Variants in PGGHG observed in about 807,000 individuals in gnomAD.
PGGHG encodes the protein ATH1, acid trehalase-like 1.
PGGHG carries 67 observed loss-of-function variants against 74.5 expected under a neutral mutation model. That is an observed-to-expected ratio of 0.90 (90% confidence interval 0.74 to 1.10). The LOEUF (loss-of-function observed/expected upper bound fraction) is 1.10, where lower values mean the gene tolerates loss of function less well. Among genes scored for constraint, PGGHG ranks in the 50% least tolerant of loss-of-function variants. The pLI, the probability that PGGHG is intolerant of heterozygous loss-of-function variation, is 0.00. For missense variants in PGGHG, 1,034 were observed against 981.5 expected, an observed-to-expected ratio of 1.05 and a Z score of -0.72; for synonymous variants, 496 against 419.9, an observed-to-expected ratio of 1.18 and a Z score of -2.21.
rs1845755794 is a variant in PGGHG at position 292,546 on chromosome 11, G to A, written c.1027G>A (p.Gly343Arg). The change falls in exon 6 of 14, where the codon GGA becomes AGA. Residue 343 changes from glycine (G) to arginine (R), a missense_variant and splice_region_variant. Coordinates refer to ENST00000409548, the MANE Select transcript of PGGHG (RefSeq NM_025092.5). ...LENAQNLGYQ[G>R]AKFAWESADS... The stretch of plus-strand genomic sequence containing the variant: ...AGTCTGCCCCCTCCCAACCCCTCAG[G>A]GAGCCAAGTTTGCCTGGGAGAGTGC... 6.2e-7 allele frequency: 1 copy of A among 1,613,166 alleles called. No individual in the cohort carries two copies. Among genetic ancestry groups the A allele is most frequent in the Non-Finnish European group, 8.5e-7 (1 of 1,179,814 alleles).
At position 290,161 on chromosome 11, in the gene PGGHG, C is replaced by T. The variant is rs1761411256; in HGVS notation, c.259+86C>T. On this transcript the variant is annotated intron_variant, in intron 2 of 13. Transcript: ENST00000409548. ...CCACAGCATCGAATCCCACCAGCAC[C>T]TCCTGAGTTTACACAGGAAGTCTCA... The T allele has an allele frequency of 3.7e-5, 54 of 1,442,282 alleles. No homozygotes were observed. In the South Asian group the frequency reaches 7.6e-4, roughly 20 times the overall value. 89.3% of individuals were successfully genotyped at this position (1,442,282 alleles called of 1,614,324 possible).
At position 292,008 on chromosome 11, in the gene PGGHG, C is replaced by T; in HGVS notation, c.939C>T (p.Phe313=). The part of the protein sequence containing the change: ...DLWMFPSILM[F]HPEAARAILE... ...GGATGTTCCCGAGTATCCTGATGTT[C>T]CACCCAGAAGCCGCCAGGGCCATCC... The change falls in exon 5 of 14, where the codon TTC becomes TTT. Residue 313 remains phenylalanine (F), a synonymous_variant. Coordinates refer to ENST00000409548, the MANE Select transcript of PGGHG (RefSeq NM_025092.5). 3 of 1,610,414 alleles carry T rather than the reference C, an allele frequency of 1.9e-6. No individual in the cohort carries two copies. The highest frequency in any genetic ancestry group is 2.5e-6 in the Non-Finnish European group (3 of 1,178,776).
Position 294,873 on chromosome 11 carries a change from C to T in PGGHG, c.*124C>T, listed in dbSNP as rs1845832859. 1 of 1,212,534 alleles carries T rather than the reference C, an allele frequency of 8.2e-7. No homozygotes were observed. The highest frequency in any genetic ancestry group is 2.4e-5 in the Admixed American group (1 of 41,744). The allele number at this position is 1,212,534 out of a possible 1,614,324, so 75.1% of individuals were successfully genotyped here. ...TGCAGCCAGGCTCTCAGGGAAGGTC[C>T]ATGCTGCTTGGCCTGAGTTCAAGGC... On this transcript the variant is annotated 3_prime_UTR_variant, in exon 14 of 14. Coordinates refer to ENST00000409548, the MANE Select transcript of PGGHG (RefSeq NM_025092.5).
rs772153637 is a variant in PGGHG at position 290,452 on chromosome 11, C to A, written c.322C>A (p.Arg108Ser). ...GGCCTCCCAGTGCATCTATGCGCATCGCACGCTGCCCCACGTGCTGGCTTT... is the reference window on the plus strand; with the variant it reads ...GGCCTCCCAGTGCATCTATGCGCATAGCACGCTGCCCCACGTGCTGGCTTT... ...FRASQCIYAH[R>S]TLPHVLAFRV... Residue 108 changes from arginine to serine, a missense_variant, in exon 3 of 14, where the codon CGC becomes AGC. Coordinates refer to ENST00000409548, the MANE Select transcript of PGGHG (RefSeq NM_025092.5). 1 of 1,549,510 alleles carries A rather than the reference C, an allele frequency of 6.5e-7. No homozygotes were observed.
In PGGHG at chr11:292,954, T is replaced by G; in HGVS notation, c.1227T>G (p.Ser409Arg). 6.2e-7 allele frequency: 1 copy of G among 1,613,890 alleles called. No individual in the cohort carries two copies. The highest frequency in any genetic ancestry group is 1.6e-4 in the Middle Eastern group (1 of 6,062). Residue 409 changes from serine (S) to arginine (R), a missense_variant, in exon 7 of 14, where the codon AGT (serine) becomes AGG (arginine). Physicochemically the swap from Ser to Arg is moderately radical, Grantham distance 110 (BLOSUM62 -1). Transcript: ENST00000409548. Reference protein sequence around the residue: ...VVRAVAEFWCSRVEWSPREEK... With the variant: ...VVRAVAEFWCRRVEWSPREEK... ...GGGCTGTGGCCGAGTTTTGGTGCAG[T>G]CGTGTTGAGTGGAGCCCCAGGGAGG...
In PGGHG at chr11:289,956, A is replaced by G. The variant is rs1564838713; in HGVS notation, c.140A>G (p.Asn47Ser). The change falls in exon 2 of 14, where the codon AAT (asparagine) becomes AGT (serine). Residue 47 changes from asparagine (N) to serine (S), a missense_variant. By Grantham distance (46) the Asn-to-Ser change is conservative. Transcript: ENST00000409548. The surrounding 1 kb of genome is among the most constrained non-coding windows in gnomAD (Gnocchi z 5.6). ...HDTLHVSGVYNGAGGDTHRAM... is the reference protein window; with the variant it reads ...HDTLHVSGVYSGAGGDTHRAM... ...ACGCTGCACGTGAGCGGCGTGTACA[A>G]TGGGGCTGGCGGGGACACGCACCGG... The G allele has an allele frequency of 5.2e-6, 8 of 1,550,444 alleles. No homozygotes were observed. Among genetic ancestry groups the G allele is most frequent in the East Asian group, 2.4e-5 (1 of 40,894 alleles).
At chr11:293,981 A>C in intron 11 of PGGHG, 56 bp downstream of exon 11, 2 of 1,595,364 alleles carry the variant, frequency 1.3e-6, no homozygotes, top group East Asian at 4.5e-5. Context: ...AGTGGAGCCC[A>C]GCCTCAGAGC....
In PGGHG at chr11:289,893, T is replaced by C; in HGVS notation, c.77T>C (p.Val26Ala). Residue 26 changes from valine to alanine, a missense_variant, in exon 2 of 14, where the codon GTG becomes GCG. Transcript: ENST00000409548. This position sits in a 1 kb window ranked among gnomAD's most constrained non-coding sequence, Gnocchi z 5.6. Reference sequence around the variant, plus strand: ...AGTGACCCCCGTCTCTTGGCCACTGTGACCAACGCATACCTGGGCACACGA... The same window carrying C: ...AGTGACCCCCGTCTCTTGGCCACTGCGACCAACGCATACCTGGGCACACGA... ...LPSDPRLLAT[V>A]TNAYLGTRVF... The C allele has an allele frequency of 1.9e-6, 3 of 1,551,090 alleles. No individual in the cohort carries two copies. In the Middle Eastern group the frequency reaches 5.0e-4, roughly 259 times the overall value.
In PGGHG at chr11:294,272, C is replaced by T. The variant is rs745950839; in HGVS notation, c.1814C>T (p.Thr605Ile). 4 of 1,603,996 alleles carry T rather than the reference C, an allele frequency of 2.5e-6. No homozygotes were observed. In the Admixed American group the frequency reaches 5.0e-5, roughly 20 times the overall value. ...ACAAGCCTCTCCTCCCACAGGGTCA[C>T]CCGAGCGGGTGTGACCTTTGACCCT... is the stretch of plus-strand genomic sequence containing the variant. The part of the protein sequence containing the change: ...VVFGCTGFRV[T>I]RAGVTFDPVC... The change falls in exon 13 of 14, where the codon ACC becomes ATC. Residue 605 changes from threonine to isoleucine, a missense_variant. Physicochemically the swap from Thr to Ile is moderately conservative, Grantham distance 89. Transcript: ENST00000409548.
At chr11:290,283 A>C (rs1478862957) in intron 2 of PGGHG, 107 bp from the exon 3 acceptor site, 1 of 1,384,906 alleles carries the variant, frequency 7.2e-7, no homozygotes, top group East Asian at 2.5e-5. Flanking sequence ...CCGAGGGCCC[A>C]GAGGGATCCG....
At position 295,655 on chromosome 11, in the gene PGGHG, A is replaced by T. The variant is rs1197201025; in HGVS notation, c.*906A>T. 6.6e-6 allele frequency: 1 copy of T among 152,354 alleles called. No homozygotes were observed. Among genetic ancestry groups the T allele is most frequent in the African/African-American group, 2.4e-5 (1 of 41,476 alleles). The allele number at this position is 152,354 out of a possible 1,614,324, so 9.4% of individuals were successfully genotyped here. Reference sequence around the variant, plus strand: ...CACCGCTGTCAGCCTGAGGAATTAAAGCTTTGGTGCTGGGGAGAGCATTAT... The same window carrying T: ...CACCGCTGTCAGCCTGAGGAATTAATGCTTTGGTGCTGGGGAGAGCATTAT... On this transcript the variant is annotated 3_prime_UTR_variant, in exon 14 of 14. Coordinates refer to ENST00000409548, the MANE Select transcript of PGGHG (RefSeq NM_025092.5).
Position 291,958 on chromosome 11 carries a change from G to A in PGGHG, c.907-18G>A, listed in dbSNP as rs1240540511. The stretch of plus-strand genomic sequence containing the variant: ...GTGACGGCCTGTCCGGCGCTAGAAC[G>A]AGGGACCGTGCTCTCAGGACCTCTG... On this transcript the variant is annotated intron_variant, in intron 4 of 13. Transcript: ENST00000409548. The A allele has an allele frequency of 5.0e-6, 8 of 1,596,806 alleles. No homozygotes were observed. The highest frequency in any genetic ancestry group is 2.3e-5 in the South Asian group (2 of 88,564).
rs1845770126 is a variant in PGGHG at position 292,964 on chromosome 11, T to C, written c.1237T>C (p.Trp413Arg). 6 of 1,613,626 alleles carry C rather than the reference T, an allele frequency of 3.7e-6. No homozygotes were observed. Among genetic ancestry groups the C allele is most frequent in the Non-Finnish European group, 4.2e-6 (5 of 1,179,894 alleles). ...CGAGTTTTGGTGCAGTCGTGTTGAG[T>C]GGAGCCCCAGGGAGGAAAAGTACCA... ...VAEFWCSRVEWSPREEKYHLR... is the reference protein window; with the variant it reads ...VAEFWCSRVERSPREEKYHLR... Residue 413 changes from tryptophan (W) to arginine (R), a missense_variant, in exon 7 of 14, where the codon TGG becomes CGG. Trp to Arg is a moderately radical substitution (Grantham distance 101). Transcript: ENST00000409548.
At position 289,752 on chromosome 11, in the gene PGGHG, G is replaced by A. The variant is rs888855301; in HGVS notation, c.-13-52G>A. 4 of 1,501,952 alleles carry A rather than the reference G, an allele frequency of 2.7e-6. No homozygotes were observed. The highest frequency in any genetic ancestry group is 2.6e-5 in the South Asian group (2 of 77,006). 93.0% of individuals were successfully genotyped at this position (1,501,952 alleles called of 1,614,324 possible). ...TTCAGGGGATTACAGACGGTCTCAA[G>A]AGGGAGGCCCAGCCAGTCCCGCGGC... On this transcript the variant is annotated intron_variant, in intron 1 of 13. Transcript: ENST00000409548. The surrounding 1 kb of genome is among the most constrained non-coding windows in gnomAD (Gnocchi z 5.6).
At position 292,802 on chromosome 11, in the gene PGGHG, C is replaced by T. The variant is rs1043428459; in HGVS notation, c.1159-84C>T. Reference sequence around the variant, plus strand: ...TGGCTGAGGACAGGTGTCTCAATGCCAGGCCTTGCTTCTGGGCACAGACAG... The same window carrying T: ...TGGCTGAGGACAGGTGTCTCAATGCTAGGCCTTGCTTCTGGGCACAGACAG... On this transcript the variant is annotated intron_variant, in intron 6 of 13. Transcript: ENST00000409548. 27 of 1,608,412 alleles carry T rather than the reference C, an allele frequency of 1.7e-5. 1 individual carries two copies. In the South Asian group the frequency reaches 2.1e-4, roughly 12 times the overall value.
Position 294,368 on chromosome 11 carries a change from CT to C in PGGHG, c.1915del (p.Ser639ProfsTer5). 1 of 1,613,162 alleles carries C rather than the reference CT, an allele frequency of 6.2e-7. No individual in the cohort carries two copies. Among genetic ancestry groups the C allele is most frequent in the Non-Finnish European group, 8.5e-7 (1 of 1,179,994 alleles). On this transcript the variant is annotated frameshift_variant, in exon 13 of 14. Transcript: ENST00000409548. LOFTEE classifies it high-confidence loss of function. ...TACCAGGGGAACAAGCTCAACTTCTCTTTTTCCGAGGACTCCGTGACCGTGG... is the reference window on the plus strand; with the variant it reads ...TACCAGGGGAACAAGCTCAACTTCTCTTTTCCGAGGACTCCGTGACCGTGG... ...IFYQGNKLNF[S>X]FSEDSVTVEV...
rs1845700679 is a variant in PGGHG, at chr11:290,946, G to T, written c.739G>T (p.Val247Leu). Residue 247 changes from valine to leucine, a missense_variant, in exon 4 of 14, where the codon GTG (valine) becomes TTG (leucine). Val to Leu is a conservative substitution (Grantham distance 32). Transcript: ENST00000409548. ...QLWVECGLDV[V>L]GPLQLRQALR... ...CTGGGTAGAATGTGGCTTGGACGTG[G>T]TGGGGCCCCTGCAGCTGCGCCAGGC... is the stretch of plus-strand genomic sequence containing the variant. 3 of 1,612,232 alleles carry T rather than the reference G, an allele frequency of 1.9e-6. No individual in the cohort carries two copies. Among genetic ancestry groups the T allele is most frequent in the Admixed American group, 1.7e-5 (1 of 59,950 alleles).
Position 292,882 on chromosome 11 carries a change from C to G in PGGHG, c.1159-4C>G. ...TGGCCTCTGTGCCTCCTCCTGCTCCCCAGGACCTGCAGCTATTTCGAGAGG... is the reference window on the plus strand; with the variant it reads ...TGGCCTCTGTGCCTCCTCCTGCTCCGCAGGACCTGCAGCTATTTCGAGAGG... On this transcript the variant is annotated splice_region_variant and splice_polypyrimidine_tract_variant and intron_variant, in intron 6 of 13. Coordinates refer to ENST00000409548, the MANE Select transcript of PGGHG (RefSeq NM_025092.5). 6.2e-7 allele frequency: 1 copy of G among 1,614,010 alleles called. No homozygotes were observed. Among genetic ancestry groups the G allele is most frequent in the Middle Eastern group, 1.7e-4 (1 of 6,014 alleles).
rs1845689294 is a variant in PGGHG at position 290,612 on chromosome 11, G to A, written c.470+12G>A. On this transcript the variant is annotated intron_variant, in intron 3 of 13. Transcript: ENST00000409548. ...TTCCAGGGAGCCCGGTAAGGAGGGGGCTGGATTTGCAGCCAGGGAGTCCAG... is the reference window on the plus strand; with the variant it reads ...TTCCAGGGAGCCCGGTAAGGAGGGGACTGGATTTGCAGCCAGGGAGTCCAG... 2.5e-6 allele frequency: 4 copies of A among 1,585,138 alleles called. No individual in the cohort carries two copies. The highest frequency in any genetic ancestry group is 2.7e-5 in the African/African-American group (2 of 74,136).
Sources: allele counts gnomAD v4.1 joint callset, GRCh38; gene constraint gnomAD v4.1.1; non-coding constraint Gnocchi (gnomAD v3.1); transcripts MANE v1.5; gene names NCBI Gene and HGNC (gene_info 2026-07-23, HGNC 2026-07-21).